Variants in VWC2 observed in about 807,000 individuals in gnomAD.
VWC2 encodes the protein brorin.
Under a neutral mutation model 29.8 loss-of-function variants are expected in VWC2, and 14 were observed. The ratio of observed to expected loss-of-function variants is 0.47; its 90% CI spans 0.31 to 0.74. The LOEUF (loss-of-function observed/expected upper bound fraction) is 0.74, where lower values mean the gene tolerates loss of function less well. Among genes scored for constraint, VWC2 ranks in the 30% least tolerant of loss-of-function variants. VWC2 has a pLI of 0.05. For missense variants in VWC2, 457 were observed against 459.8 expected, an observed-to-expected ratio of 0.99 and a Z score of 0.05; for synonymous variants, 213 against 199.0, an observed-to-expected ratio of 1.07 and a Z score of -0.59.
chr7:49,887,697 C>T (rs543460128), intron 3 of VWC2, among the ~76,000 whole-genome samples: 7 of 148,682 alleles, frequency 4.7e-5, no homozygotes, highest in Non-Finnish European at 8.8e-5. Flanking sequence ...AGGTTCATCC[C>T]GGGGCCCAGC....
In VWC2 at chr7:49,912,429, G is replaced by A. The variant is rs185674287; in HGVS notation, c.*244G>A. 1.3e-4 allele frequency: 51 copies of A among 391,438 alleles called. No homozygotes were observed. The highest frequency in any genetic ancestry group is 2.2e-4 in the Non-Finnish European group (46 of 213,814). 24.2% of individuals were successfully genotyped at this position (391,438 alleles called of 1,614,324 possible). A position where few individuals can be genotyped will look rare whatever the true frequency, so the allele number is the denominator to read the frequency against. On this transcript the variant is annotated 3_prime_UTR_variant, in exon 4 of 4. Transcript: ENST00000340652. Reference sequence around the variant, plus strand: ...AATAAATGTGCTATTTTCACAGTAAGTACACAAAAGTACACTATTATATAT... The same window carrying A: ...AATAAATGTGCTATTTTCACAGTAAATACACAAAAGTACACTATTATATAT...
In VWC2 at chr7:49,802,752, G is replaced by A. The variant is rs1788772300; in HGVS notation, c.738G>A (p.Glu246=). ...CERCRCEANG[E]VLCTVSACPQ... ...GGTGTCGCTGTGAAGCCAACGGTGA[G>A]GTGCTATGCACAGTGTCAGCGTGTC... is the stretch of plus-strand genomic sequence containing the variant. Residue 246 remains glutamate, a synonymous_variant, in exon 3 of 4, where the codon GAG becomes GAA. Transcript: ENST00000340652. 1.2e-6 allele frequency: 2 copies of A among 1,614,102 alleles called. No homozygotes were observed. Among genetic ancestry groups the A allele is most frequent in the African/African-American group, 2.7e-5 (2 of 74,934 alleles).
rs887396809 is a variant in VWC2, at chr7:49,919,144, G to A, written c.*6959G>A. 6.6e-6 allele frequency: 1 copy of A among 151,972 alleles called. No individual in the cohort carries two copies. Among genetic ancestry groups the A allele is most frequent in the Non-Finnish European group, 1.5e-5 (1 of 68,044 alleles). The allele number at this position is 151,972 out of a possible 1,614,324, so 9.4% of individuals were successfully genotyped here. A position where few individuals can be genotyped will look rare whatever the true frequency, so the allele number is the denominator to read the frequency against. ...ATGGGGCACAGTCAGGACTGGAATG[G>A]ATAGCTCTACCTGCTTCCAAATATT... On this transcript the variant is annotated 3_prime_UTR_variant, in exon 4 of 4. Coordinates refer to ENST00000340652, the MANE Select transcript of VWC2 (RefSeq NM_198570.5).
chr7:49,817,371 C>T (rs1199999383), intron 3 of VWC2, among the ~76,000 whole-genome samples: 1 of 152,246 alleles, frequency 6.6e-6, no homozygotes, highest in East Asian at 1.9e-4. Flanking sequence ...CCAGAGGTAA[C>T]TTGAATTGCA....
At chr7:49,793,801 A>G (rs1788519430) in intron 2 of VWC2, among the ~76,000 whole-genome samples, 1 of 152,194 alleles carries the variant, frequency 6.6e-6, no homozygotes, top group Non-Finnish European at 1.5e-5. Context: ...TTTTCACTTC[A>G]AAGTTAATAA....
At chr7:49,823,607 G>A (rs890189291) in intron 3 of VWC2, among the ~76,000 whole-genome samples, 1 of 152,162 alleles carries the variant, frequency 6.6e-6, no homozygotes, top group African/African-American at 2.4e-5. Context: ...TTGGGTATGT[G>A]TTTATTATAA....
At chr7:49,854,105 A>G (rs1276206291) in intron 3 of VWC2, among the ~76,000 whole-genome samples, 1 of 151,986 alleles carries the variant, frequency 6.6e-6, no homozygotes, top group African/African-American at 2.4e-5. Flanking sequence ...TTCTTAATCC[A>G]GTCTATCATT....
intron 3 of VWC2, among the ~76,000 whole-genome samples, chr7:49,911,651 C>A (rs755006737): frequency 3.9e-5 from 6 of 151,976 alleles, no homozygotes; most frequent in Non-Finnish European, 7.4e-5. Flanking sequence ...AATCTGAGCA[C>A]TTTGGGAAGC....
intron 3 of VWC2, among the ~76,000 whole-genome samples, chr7:49,899,704 G>A (rs1163353263): frequency 1.3e-5 from 2 of 151,858 alleles, no homozygotes; most frequent in African/African-American, 4.8e-5. Flanking sequence ...AGAAGAAACA[G>A]GTGAATCCAC....
intron 3 of VWC2, among the ~76,000 whole-genome samples, chr7:49,828,673 C>T (rs948892429): frequency 6.6e-6 from 1 of 152,136 alleles, no homozygotes; most frequent in Admixed American, 6.5e-5. Context: ...TATTCTGATA[C>T]TTTGACATCT....
intron 3 of VWC2, among the ~76,000 whole-genome samples, chr7:49,891,978 G>A (rs1485404464): frequency 1.3e-5 from 2 of 149,802 alleles, no homozygotes; most frequent in Non-Finnish European, 3.0e-5. Flanking sequence ...ATACAAATAC[G>A]GACCCTATAA....
chr7:49,868,320 T>A (rs922090175), intron 3 of VWC2, among the ~76,000 whole-genome samples: 2 of 152,242 alleles, frequency 1.3e-5, no homozygotes, highest in African/African-American at 4.8e-5. Flanking sequence ...TTAAACCTCT[T>A]TAGCCAAGTC....
chr7:49,908,319 A>G (rs569991828), intron 3 of VWC2, among the ~76,000 whole-genome samples: 1 of 152,306 alleles, frequency 6.6e-6, no homozygotes, highest in Admixed American at 6.5e-5. Flanking sequence ...TAACTTTGGA[A>G]TGCCCTTGTC....
At position 49,878,111 on chromosome 7, in the gene VWC2, TTAA is replaced by T. The variant is rs562792797; in HGVS notation, c.827-33921_827-33919del. Reference sequence around the variant, plus strand: ...GCAGTCTGTCCCCTTGACGTAAATGTTAATGTTAATTGGTGCTTCTACCCACAG... The same window carrying T: ...GCAGTCTGTCCCCTTGACGTAAATGTTGTTAATTGGTGCTTCTACCCACAG... On this transcript the variant is annotated intron_variant, in intron 3 of 3. Transcript: ENST00000340652. 1.2e-4 allele frequency among the ~76,000 whole-genome samples: 18 copies of T among 152,226 alleles called. No individual in the cohort carries two copies. In the South Asian group the frequency reaches 3.7e-3, roughly 32 times the overall value.
chr7:49,837,786 A>G (rs376142451), intron 3 of VWC2, among the ~76,000 whole-genome samples: 4 of 152,350 alleles, frequency 2.6e-5, no homozygotes, highest in East Asian at 3.9e-4. Flanking sequence ...TGGAAATCTA[A>G]TCGATCGCAC....
intron 3 of VWC2, among the ~76,000 whole-genome samples, chr7:49,858,690 C>T (rs1417810649): frequency 6.6e-6 from 1 of 150,736 alleles, no homozygotes; most frequent in African/African-American, 2.5e-5. Flanking sequence ...TACCCTAAAA[C>T]TTAAAGTATA....
At chr7:49,910,254 A>G (rs1793336717) in intron 3 of VWC2, among the ~76,000 whole-genome samples, 1 of 152,218 alleles carries the variant, frequency 6.6e-6, no homozygotes, top group Admixed American at 6.5e-5. Context: ...CCACCACAGA[A>G]CATAAGCTAT....
intron 3 of VWC2, among the ~76,000 whole-genome samples, chr7:49,843,254 T>C (rs551021429): frequency 5.3e-5 from 8 of 152,310 alleles, no homozygotes; most frequent in East Asian, 1.9e-4. Context: ...AAAATCCAAA[T>C]TCAAATTCTG....
chr7:49,840,877 C>G (rs2022022083), intron 3 of VWC2, among the ~76,000 whole-genome samples: 1 of 152,046 alleles, frequency 6.6e-6, no homozygotes, highest in African/African-American at 2.4e-5. Flanking sequence ...GAGCTGTTGC[C>G]CTGTCTCAAG....
Sources: allele counts gnomAD v4.1 joint callset (sites outside exome capture counted in the v4.1 genomes callset), GRCh38; gene constraint gnomAD v4.1.1; transcripts MANE v1.5; gene names NCBI Gene and HGNC (gene_info 2026-07-23, HGNC 2026-07-21).